The following ZNF732 variants were observed in gnomAD, a reference collection of about 807,000 sequenced individuals.
ZNF732 encodes the protein zinc finger protein 732.
A neutral mutation model predicts 11.5 loss-of-function variants in ZNF732; 12 were observed. That is an observed-to-expected ratio of 1.05 (90% CI 0.67 to 1.70). ZNF732 has a LOEUF of 1.70. Among genes scored for constraint, ZNF732 ranks in the 40% most tolerant of loss-of-function variants. The pLI, the probability that ZNF732 is intolerant of heterozygous loss-of-function variation, is 0.00. For missense variants in ZNF732, 702 were observed against 676.9 expected (o/e 1.04, Z -0.41); for synonymous variants, 231 against 236.5 (o/e 0.98, Z 0.21).
At chr4:294,417 A>G (rs1290010583) in intron 3 of ZNF732, among the ~76,000 whole-genome samples, 1 of 152,240 alleles carries the variant, frequency 6.6e-6, no homozygotes, top group East Asian at 1.9e-4. Flanking sequence ...AGAGACACAC[A>G]TTTTTATATA....
At position 272,235 on chromosome 4, in the gene ZNF732, A is replaced by G; in HGVS notation, c.622T>C (p.Leu208=). 1 of 1,612,296 alleles carries G rather than the reference A, an allele frequency of 6.2e-7. No individual in the cohort carries two copies. Among genetic ancestry groups the G allele is most frequent in the South Asian group, 1.1e-5 (1 of 90,878 alleles). Residue 208 remains leucine, a synonymous_variant, in exon 4 of 4, where the codon TTA becomes CTA. Transcript: ENST00000419098. ...EECGKDFKWY[L]IFNEYEIIHT... Reference sequence around the variant, plus strand: ...ATTATCTCATATTCATTAAAGATTAAATACCATTTAAAGTCTTTGCCACAT... The same window carrying G: ...ATTATCTCATATTCATTAAAGATTAGATACCATTTAAAGTCTTTGCCACAT...
At chr4:276,663 G>C (rs1318603785) in intron 3 of ZNF732, among the ~76,000 whole-genome samples, 1 of 151,750 alleles carries the variant, frequency 6.6e-6, no homozygotes, top group Non-Finnish European at 1.5e-5. Flanking sequence ...AAGTGAAAAA[G>C]ACATGAAAAT....
At chr4:290,442 C>T (rs1205870829) in intron 3 of ZNF732, among the ~76,000 whole-genome samples, 1 of 152,154 alleles carries the variant, frequency 6.6e-6, no homozygotes, top group East Asian at 1.9e-4. Context: ...GGAGGCAGGC[C>T]TGCAGATCCT....
chr4:275,271 CAACACACACTT>C (rs1553838494), intron 3 of ZNF732, among the ~76,000 whole-genome samples: 1 of 151,606 alleles, frequency 6.6e-6, no homozygotes, highest in Non-Finnish European at 1.5e-5. Flanking sequence ...AGAAATTAAA[CAACACACACTT>C]AAGCATGCTC....
At chr4:280,440 G>C (rs1485621850) in intron 3 of ZNF732, among the ~76,000 whole-genome samples, 3 of 152,072 alleles carry the variant, frequency 2.0e-5, no homozygotes, top group African/African-American at 7.2e-5. Flanking sequence ...AATTAGCCGG[G>C]TGTGGTGGCT....
chr4:274,453 AAAG>A (rs1280418714), intron 3 of ZNF732, among the ~76,000 whole-genome samples: 1 of 151,756 alleles, frequency 6.6e-6, no homozygotes, highest in African/African-American at 2.4e-5. Flanking sequence ...GAAGACAGAA[AAAG>A]AAAATAAGGG....
Position 272,443 on chromosome 4 carries a change from G to C in ZNF732, c.414C>G (p.Ser138Arg), listed in dbSNP as rs995689678. 4.4e-6 allele frequency: 7 copies of C among 1,599,810 alleles called. No homozygotes were observed. The highest frequency in any genetic ancestry group is 6.0e-6 in the Non-Finnish European group (7 of 1,172,166). Residue 138 changes from serine to arginine, a missense_variant, in exon 4 of 4, where the codon AGC (serine) becomes AGG (arginine). Coordinates refer to ENST00000419098, the MANE Select transcript of ZNF732 (RefSeq NM_001137608.3). ...CATGTACATTACACTGAAATATTTT[G>C]CTCTGGATAGTTGACAAGCATTGAT... The part of the protein sequence containing the change: ...EFNQCLSTIQ[S>R]KIFQCNVHVK...
intron 1 of ZNF732, among the ~76,000 whole-genome samples, chr4:304,570 C>A (rs1430572912): frequency 5.0e-5 from 6 of 121,024 alleles, no homozygotes; most frequent in East Asian, 2.4e-4. Flanking sequence ...GCAGCTGCCC[C>A]CCCCCTGCAG....
intron 1 of ZNF732, among the ~76,000 whole-genome samples, chr4:300,621 G>A (rs1401330671): frequency 2.0e-5 from 3 of 152,068 alleles, no homozygotes; most frequent in Non-Finnish European, 4.4e-5. Context: ...GTATTTCTCA[G>A]ATAAAAGTTC....
At chr4:294,575 TAGA>T (rs1249285085) in intron 3 of ZNF732, among the ~76,000 whole-genome samples, 4 of 152,214 alleles carry the variant, frequency 2.6e-5, no homozygotes, top group African/African-American at 9.6e-5. Context: ...TTAAGAAATC[TAGA>T]AGGTGAGTAA....
At chr4:298,570 C>A (rs546261146) in intron 1 of ZNF732, among the ~76,000 whole-genome samples, 20 of 152,282 alleles carry the variant, frequency 1.3e-4, no homozygotes, top group Non-Finnish European at 2.4e-4. Flanking sequence ...CCAGTCTGCA[C>A]AGGACATCCG....
rs1412947627 is a variant in ZNF732 at position 305,437 on chromosome 4, G to A, written c.-127C>T. 4 of 1,376,996 alleles carry A rather than the reference G, an allele frequency of 2.9e-6. No homozygotes were observed. Among genetic ancestry groups the A allele is most frequent in the Non-Finnish European group, 4.0e-6 (4 of 998,302 alleles). The allele number at this position is 1,376,996 out of a possible 1,614,324, so 85.3% of individuals were successfully genotyped here. ...CTCCCTGAGGGGTGAAAGCACGGCC[G>A]TGGAGACCCTAACCGAGCTCACGCT... On this transcript the variant is annotated 5_prime_UTR_variant, in exon 1 of 4. The change creates a new upstream start codon in the 5' untranslated region. Coordinates refer to ENST00000419098, the MANE Select transcript of ZNF732 (RefSeq NM_001137608.3).
chr4:295,901 C>G (rs1719940177), intron 2 of ZNF732, 128 bp downstream of exon 2: 2 of 1,203,736 alleles, frequency 1.7e-6, no homozygotes, highest in Non-Finnish European at 2.3e-6. Context: ...AGCAAACTCC[C>G]AACAGTTTCT....
chr4:301,548 A>T (rs910307646), intron 1 of ZNF732, among the ~76,000 whole-genome samples: 3 of 152,252 alleles, frequency 2.0e-5, no homozygotes, highest in African/African-American at 7.2e-5. Context: ...ATAAAAAATG[A>T]TGAGTTCGTG....
chr4:287,434 C>T (rs1209629928), intron 3 of ZNF732, among the ~76,000 whole-genome samples: 14 of 151,692 alleles, frequency 9.2e-5, no homozygotes, highest in African/African-American at 3.4e-4. Flanking sequence ...AGGGTAGTCT[C>T]GAACTCCTGA....
intron 3 of ZNF732, among the ~76,000 whole-genome samples, chr4:284,340 AAAAAG>A (rs1719680430): frequency 2.0e-5 from 3 of 152,228 alleles, no homozygotes; most frequent in African/African-American, 4.8e-5. Context: ...GTCAAAGAAG[AAAAAG>A]AAAAGAAAAA....
chr4:274,756 A>G (rs1019999764), intron 3 of ZNF732, among the ~76,000 whole-genome samples: 3 of 151,698 alleles, frequency 2.0e-5, no homozygotes, highest in Admixed American at 6.6e-5. Context: ...AAACTGTCCT[A>G]TTTCATAAAA....
At chr4:292,412 C>T (rs1423268347) in intron 3 of ZNF732, among the ~76,000 whole-genome samples, 1 of 151,876 alleles carries the variant, frequency 6.6e-6, no homozygotes, top group Non-Finnish European at 1.5e-5. Context: ...ACAAAATTAG[C>T]TGGGCATGGT....
At chr4:286,393 C>T (rs550773910) in intron 3 of ZNF732, among the ~76,000 whole-genome samples, 3 of 152,204 alleles carry the variant, frequency 2.0e-5, no homozygotes, top group African/African-American at 7.2e-5. Context: ...ATTGTGGCAT[C>T]ATCTACAAAA....
Sources: gnomAD v4.1 joint callset for allele counts (sites outside exome capture counted in the v4.1 genomes callset) on GRCh38, gnomAD v4.1.1 for gene constraint, MANE v1.5 for transcripts, NCBI Gene and HGNC (gene_info 2026-07-23, HGNC 2026-07-21) for gene names.